The following TAGLN2 variants were observed in gnomAD, a reference collection of about 807,000 sequenced individuals.
The protein encoded by TAGLN2 is transgelin-2.
A neutral mutation model predicts 24.9 loss-of-function variants in TAGLN2; 14 were observed. The ratio of observed to expected loss-of-function variants is 0.56; its 90% CI spans 0.37 to 0.88. TAGLN2 has a LOEUF of 0.88. TAGLN2 is among the 40% of genes least tolerant of loss of function. The pLI, the probability that TAGLN2 is intolerant of heterozygous loss-of-function variation, is 0.00. For synonymous variants in TAGLN2, 77 were observed against 98.2 expected (o/e 0.78, Z 1.28); for missense variants, 208 against 258.9 (o/e 0.80, Z 1.35).
intron 3 of TAGLN2, 21 bp downstream of exon 3, chr1:159,919,640 C>T: frequency 6.2e-7 from 1 of 1,608,478 alleles, no homozygotes; most frequent in South Asian, 1.1e-5. Context: ...TGACAGGACC[C>T]AGCCCCTCGC....
intron 1 of TAGLN2, among the ~76,000 whole-genome samples, chr1:159,922,746 C>T (rs1650573376): frequency 6.6e-6 from 1 of 152,174 alleles, no homozygotes; most frequent in South Asian, 2.1e-4. Flanking sequence ...GAATGATTAA[C>T]CTAGACACTG....
chr1:159,920,269 A>C (rs1165684632), intron 2 of TAGLN2, 61 bp downstream of exon 2: 1 of 1,613,160 alleles, frequency 6.2e-7, no homozygotes, highest in Admixed American at 1.7e-5. Flanking sequence ...AACAATCCCC[A>C]GTCCACTGGA....
intron 1 of TAGLN2, 136 bp from the exon 2 acceptor site, chr1:159,920,673 C>T (rs1284128105): frequency 7.0e-7 from 1 of 1,423,430 alleles, no homozygotes; most frequent in East Asian, 2.5e-5. Context: ...GAACTGTTAC[C>T]AAATGCAACC....
chr1:159,918,512 G>A lies in TAGLN2; in HGVS notation c.*288C>T. On this transcript the variant is annotated 3_prime_UTR_variant, in exon 5 of 5. Transcript: ENST00000368097. The stretch of plus-strand genomic sequence containing the variant: ...AGGGGGAAGAAGGAGAGACAGAATA[G>A]GCCAGGGCATGGCGGTGAGGGACTG... 2.6e-6 allele frequency: 1 copy of A among 383,382 alleles called. No homozygotes were observed. The highest frequency in any genetic ancestry group is 4.8e-6 in the Non-Finnish European group (1 of 209,828). The allele number at this position is 383,382 out of a possible 1,614,324, so 23.7% of individuals were successfully genotyped here.
intron 1 of TAGLN2, chr1:159,925,074 G>C (rs1486973678): frequency 6.6e-6 from 1 of 152,244 alleles, no homozygotes; most frequent in Non-Finnish European, 1.5e-5. Context: ...AGGAGCACGA[G>C]CTGGCCCAGG....
intron 1 of TAGLN2, among the ~76,000 whole-genome samples, chr1:159,920,926 C>T (rs1650510476): frequency 6.6e-6 from 1 of 152,092 alleles, no homozygotes; most frequent in Admixed American, 6.5e-5. Flanking sequence ...ATCAGGGAGA[C>T]AAAGTGAGTA....
intron 2 of TAGLN2, 199 bp from the exon 3 acceptor site, chr1:159,920,034 T>A: frequency 1.3e-6 from 1 of 758,842 alleles, no homozygotes; most frequent in Admixed American, 2.1e-5. Flanking sequence ...GAAAAGCCAG[T>A]GTTTAGTCTT....
At chr1:159,920,997 T>C (rs1183307006) in intron 1 of TAGLN2, among the ~76,000 whole-genome samples, 1 of 152,058 alleles carries the variant, frequency 6.6e-6, no homozygotes, top group East Asian at 1.9e-4. Flanking sequence ...AGATCACATG[T>C]TGTAGGAGTT....
chr1:159,920,702 G>C lies in TAGLN2; in HGVS notation c.-28-165C>G, dbSNP rs1313276133. The C allele has an allele frequency of 3.4e-6, 3 of 888,938 alleles. No individual in the cohort carries two copies. The African/African-American group carries it at 5.4e-5, about 16-fold the overall frequency. The allele number at this position is 888,938 out of a possible 1,614,324, so 55.1% of individuals were successfully genotyped here. A position where few individuals can be genotyped will look rare whatever the true frequency, so the allele number is the denominator to read the frequency against. ...TGCAACCCTGCTCTTTATAGCCCTG[G>C]GAAAGAGAATGATTTGGGGAGAGGA... is the stretch of plus-strand genomic sequence containing the variant. On this transcript the variant is annotated intron_variant, in intron 1 of 4. Coordinates refer to ENST00000368097, the MANE Select transcript of TAGLN2 (RefSeq NM_003564.3).
rs1199799565 is a variant in TAGLN2 at position 159,919,791 on chromosome 1, G to T, written c.225C>A (p.Ala75=). 2 of 1,614,060 alleles carry T rather than the reference G, an allele frequency of 1.2e-6. No individual in the cohort carries two copies. Among genetic ancestry groups the T allele is most frequent in the Non-Finnish European group, 1.7e-6 (2 of 1,180,002 alleles). The change falls in exon 3 of 5, where the codon GCC becomes GCA. Residue 75 remains alanine (A), a synonymous_variant. Transcript: ENST00000368097. ...LINALYPEGQ[A]PVKKIQASTM... is the part of the protein sequence containing the mutation. ...TGGAGGCCTGGATCTTCTTTACTGGGGCCTGCCCCTCGGGGTACAGTGCAT... is the reference window on the plus strand; with the variant it reads ...TGGAGGCCTGGATCTTCTTTACTGGTGCCTGCCCCTCGGGGTACAGTGCAT...
intron 1 of TAGLN2, chr1:159,924,484 A>C (rs1021634378): frequency 6.6e-6 from 1 of 152,382 alleles, no homozygotes; most frequent in African/African-American, 2.4e-5. Flanking sequence ...CACAGATACC[A>C]ACTGCTCACA....
At chr1:159,921,861 G>C (rs2101867157) in intron 1 of TAGLN2, among the ~76,000 whole-genome samples, 1 of 152,350 alleles carries the variant, frequency 6.6e-6, no homozygotes, top group African/African-American at 2.4e-5. Context: ...GCATGGTATG[G>C]ATGCCAAGGG....
chr1:159,923,560 A>C, intron 1 of TAGLN2: 2 of 1,348,992 alleles, frequency 1.5e-6, no homozygotes, highest in Non-Finnish European at 2.0e-6. Flanking sequence ...CAGATGGAAC[A>C]CAGGAGAACT....
rs1489455121 is a variant in TAGLN2, at chr1:159,918,914, G to C, written c.486C>G (p.Phe162Leu). The C allele has an allele frequency of 6.2e-7, 1 of 1,614,234 alleles. No homozygotes were observed. The highest frequency in any genetic ancestry group is 2.2e-5 in the East Asian group (1 of 44,884). ...TGCCCTCTTGCAGCTGGTTATCCGA[G>C]AAGTTCCGAGGATTCTCCTTGGATT... ...PKKSKENPRN[F>L]SDNQLQEGKN... The change falls in exon 5 of 5, where the codon TTC (phenylalanine) becomes TTG (leucine). Residue 162 changes from phenylalanine to leucine, a missense_variant. Phe to Leu is a conservative substitution (Grantham distance 22). Transcript: ENST00000368097.
chr1:159,919,441 T>C, intron 3 of TAGLN2, 65 bp from the exon 4 acceptor site: 1 of 1,537,366 alleles, frequency 6.5e-7, no homozygotes, highest in Non-Finnish European at 9.0e-7. Context: ...TCCGCCTCTA[T>C]CGCTAAGTCA....
chr1:159,921,214 T>G (rs1436943618), intron 1 of TAGLN2, among the ~76,000 whole-genome samples: 1 of 152,220 alleles, frequency 6.6e-6, no homozygotes, highest in African/African-American at 2.4e-5. Flanking sequence ...CCAGAACCTG[T>G]GGATATTGTT....
chr1:159,923,417 C>T, intron 1 of TAGLN2: 7 of 1,549,802 alleles, frequency 4.5e-6, no homozygotes, highest in South Asian at 2.4e-5. Context: ...CCCACCCAGA[C>T]CCTGGGCTGG....
chr1:159,920,433 A>C lies in TAGLN2; in HGVS notation c.77T>G (p.Leu26Arg). Reference sequence around the variant, plus strand: ...GATCCACTGGATCAGGATCTGCTCCAGATCTGCATCATATTGTTTCTCAAT... The same window carrying C: ...GATCCACTGGATCAGGATCTGCTCCCGATCTGCATCATATTGTTTCTCAAT... ...QKIEKQYDADLEQILIQWITT... is the reference protein window; with the variant it reads ...QKIEKQYDADREQILIQWITT... Residue 26 changes from leucine (L) to arginine (R), a missense_variant, in exon 2 of 5, where the codon CTG (leucine) becomes CGG (arginine). Leu to Arg is a moderately radical substitution (Grantham distance 102). Transcript: ENST00000368097. 1 of 1,614,234 alleles carries C rather than the reference A, an allele frequency of 6.2e-7. No individual in the cohort carries two copies. Among genetic ancestry groups the C allele is most frequent in the Non-Finnish European group, 8.5e-7 (1 of 1,180,040 alleles).
At chr1:159,918,984 C>A (rs752895332) in intron 4 of TAGLN2, 43 bp from the exon 5 acceptor site, 1 of 1,610,738 alleles carries the variant, frequency 6.2e-7, no homozygotes, top group Non-Finnish European at 8.5e-7. Flanking sequence ...TCACAGGCTG[C>A]CCTAGTAAAT....
Sources: allele counts gnomAD v4.1 joint callset (sites outside exome capture counted in the v4.1 genomes callset), GRCh38; gene constraint gnomAD v4.1.1; transcripts MANE v1.5; gene names NCBI Gene and HGNC (gene_info 2026-07-23, HGNC 2026-07-21).